Variants in KCND2 observed in about 807,000 individuals in gnomAD.
KCND2 encodes the protein A-type voltage-gated potassium channel KCND2.
KCND2 carries 16 observed loss-of-function variants against 54.4 expected under a neutral mutation model. That is an observed-to-expected ratio of 0.29 (90% CI 0.20 to 0.45). The LOEUF (loss-of-function observed/expected upper bound fraction) is 0.45. Among genes scored for constraint, KCND2 ranks in the 20% least tolerant of loss-of-function variants. KCND2 has a pLI of 1.00. For missense variants in KCND2, 486 were observed against 824.2 expected (o/e 0.59, Z 5.02); for synonymous variants, 317 against 310.7 (o/e 1.02, Z -0.21).
At chr7:120,543,140 C>T (rs769303857) in intron 1 of KCND2, among the ~76,000 whole-genome samples, 74 of 152,018 alleles carry the variant, frequency 4.9e-4, no homozygotes, top group Middle Eastern at 3.4e-3. Flanking sequence ...AGCAACATAA[C>T]CTCAAAATAT....
At chr7:120,410,913 A>G (rs1801440649) in intron 1 of KCND2, among the ~76,000 whole-genome samples, 1 of 151,952 alleles carries the variant, frequency 6.6e-6, no homozygotes, top group Admixed American at 6.6e-5. Flanking sequence ...TCCATGGTGT[A>G]TATGTGCCAC....
chr7:120,306,048 C>G (rs1158806373), intron 1 of KCND2, among the ~76,000 whole-genome samples: 1 of 152,138 alleles, frequency 6.6e-6, no homozygotes, highest in Non-Finnish European at 1.5e-5. Flanking sequence ...GGTAAAATGG[C>G]TAGCATAGAG....
chr7:120,317,696 A>G (rs767661269), intron 1 of KCND2, among the ~76,000 whole-genome samples: 1 of 152,180 alleles, frequency 6.6e-6, no homozygotes, highest in Non-Finnish European at 1.5e-5. Flanking sequence ...ACTCTATGAT[A>G]TGGCTGAGAT....
chr7:120,742,623 C>T, intron 4 of KCND2, 21 bp downstream of exon 4: 1 of 1,560,662 alleles, frequency 6.4e-7, no homozygotes, highest in Non-Finnish European at 8.8e-7. Flanking sequence ...AGCATGACTG[C>T]CTTCCCTTGC....
chr7:120,671,647 C>G (rs538517680), intron 1 of KCND2, among the ~76,000 whole-genome samples: 54 of 152,236 alleles, frequency 3.5e-4, no homozygotes, highest in African/African-American at 1.0e-3. Context: ...CCTCTCTATA[C>G]CAGATCTTAT....
At chr7:120,335,468 C>CTTATTTAT (rs757550470) in intron 1 of KCND2, among the ~76,000 whole-genome samples, 1,635 of 110,638 alleles carry the variant, frequency 0.015, 18 homozygotes, top group East Asian at 0.047. Context: ...TACTTACTTA[C>CTTATTTAT]TTATTTATTT....
chr7:120,327,418 C>T (rs1217631428), intron 1 of KCND2, among the ~76,000 whole-genome samples: 1 of 152,008 alleles, frequency 6.6e-6, no homozygotes. Context: ...TTAATAGAGA[C>T]CAGTTAACAT....
intron 1 of KCND2, among the ~76,000 whole-genome samples, chr7:120,305,769 A>G (rs76586928): frequency 0.028 from 4,308 of 152,242 alleles, 99 homozygotes; most frequent in Non-Finnish European, 0.047. Flanking sequence ...CAGAGGTATT[A>G]TGTAGAATTA....
intron 1 of KCND2, among the ~76,000 whole-genome samples, chr7:120,521,438 G>T (rs1791690607): frequency 6.6e-6 from 1 of 151,796 alleles, no homozygotes; most frequent in Non-Finnish European, 1.5e-5. Context: ...AAATTTTATG[G>T]GATATTTTAT....
intron 1 of KCND2, among the ~76,000 whole-genome samples, chr7:120,662,396 A>G (rs984762425): frequency 5.9e-5 from 9 of 152,198 alleles, no homozygotes; most frequent in African/African-American, 2.2e-4. Context: ...ATTATCAGAA[A>G]GTTCTACATA....
chr7:120,397,985 GTGTGTGTGTGTATATATATATA>G (rs1801179779), intron 1 of KCND2, among the ~76,000 whole-genome samples: 1 of 36,910 alleles, frequency 2.7e-5, no homozygotes, highest in Non-Finnish European at 8.3e-5. Flanking sequence ...GTGTGTGTGT[GTGTGTGTGTGTATATATATATA>G]TATATATATA....
rs1791712891 is a variant in KCND2, at chr7:120,650,265, GAT to G, written c.1116-82637_1116-82636del. Among the ~76,000 whole-genome samples the G allele has an allele frequency of 1.4e-5, 2 of 143,060 alleles. 1 individual carries two copies. The highest frequency in any genetic ancestry group is 3.0e-5 in the Non-Finnish European group (2 of 65,984). 93.9% of individuals were successfully genotyped at this position (143,060 alleles called of 152,430 possible). ...CTTTCAGGTACACCAATCAGCTGTA[GAT>G]TTGGTCTTTTCGTATAGTCCCATAT... is the stretch of plus-strand genomic sequence containing the variant. On this transcript the variant is annotated intron_variant, in intron 1 of 5. Transcript: ENST00000331113.
intron 1 of KCND2, among the ~76,000 whole-genome samples, chr7:120,471,843 A>G (rs2116261542): frequency 6.6e-6 from 1 of 152,192 alleles, no homozygotes; most frequent in African/African-American, 2.4e-5. Flanking sequence ...AACTGTAACC[A>G]TATGGTAATA....
intron 1 of KCND2, among the ~76,000 whole-genome samples, chr7:120,721,567 T>G (rs1792666174): frequency 6.6e-6 from 1 of 152,198 alleles, no homozygotes; most frequent in African/African-American, 2.4e-5. Flanking sequence ...AATTGAACAC[T>G]AGAATTTTAG....
intron 1 of KCND2, among the ~76,000 whole-genome samples, chr7:120,594,791 G>T (rs1469921166): frequency 1.3e-5 from 2 of 152,156 alleles, no homozygotes; most frequent in Non-Finnish European, 2.9e-5. Flanking sequence ...GGAGGCCAAG[G>T]TGGGTGGATC....
At chr7:120,520,093 GATAA>G (rs1249024601) in intron 1 of KCND2, among the ~76,000 whole-genome samples, 3 of 151,954 alleles carry the variant, frequency 2.0e-5, no homozygotes, top group Middle Eastern at 3.5e-3. Flanking sequence ...AGTTCTTTAT[GATAA>G]ATAAGTAATA....
chr7:120,273,163 G>A (rs549854340), upstream of KCND2, among the ~76,000 whole-genome samples: 1 of 152,284 alleles, frequency 6.6e-6, no homozygotes, highest in East Asian at 1.9e-4. Flanking sequence ...GGAAAGGCAG[G>A]AGACGCCTTT....
intron 1 of KCND2, among the ~76,000 whole-genome samples, chr7:120,354,457 G>A (rs1800466995): frequency 6.6e-6 from 1 of 152,210 alleles, no homozygotes. Flanking sequence ...AGCTACAGGA[G>A]TGGTTTAAAA....
chr7:120,466,008 C>T (rs892637967), intron 1 of KCND2, among the ~76,000 whole-genome samples: 4 of 152,144 alleles, frequency 2.6e-5, no homozygotes, highest in African/African-American at 9.7e-5. Context: ...ACACTATTGA[C>T]ATTTGGAGAT....
Sources: allele counts gnomAD v4.1 joint callset (sites outside exome capture counted in the v4.1 genomes callset), GRCh38; gene constraint gnomAD v4.1.1; transcripts MANE v1.5; gene names NCBI Gene and HGNC (gene_info 2026-07-23, HGNC 2026-07-21).